Variants in ERGIC2 observed in about 807,000 individuals in gnomAD.
ERGIC2 encodes ERGIC and golgi 2.
A neutral mutation model predicts 52.5 loss-of-function variants in ERGIC2; 31 were observed. The observed-to-expected ratio is 0.59, with a 90% CI of 0.44 to 0.80. The LOEUF is 0.80. ERGIC2 is among the 30% of genes least tolerant of loss of function. The probability of loss-of-function intolerance (pLI) is 0.00; values close to 1 mark genes in which losing one functional copy is unlikely to be tolerated. For missense variants in ERGIC2, 395 were observed against 455.2 expected, an observed-to-expected ratio of 0.87 and a Z score of 1.20; for synonymous variants, 129 against 140.6, an observed-to-expected ratio of 0.92 and a Z score of 0.58.
At chr12:29,363,180 C>A (rs1940310072) in intron 5 of ERGIC2, among the ~76,000 whole-genome samples, 1 of 152,140 alleles carries the variant, frequency 6.6e-6, no homozygotes, top group African/African-American at 2.4e-5. Flanking sequence ...TACACAAATT[C>A]AGCTCTGTCA....
At position 29,337,885 on chromosome 12, in the gene ERGIC2, T is replaced by G. The variant is rs1464341777; in HGVS notation, c.*3271A>C. 6.6e-6 allele frequency: 1 copy of G among 152,084 alleles called. No homozygotes were observed. The highest frequency in any genetic ancestry group is 6.6e-5 in the Admixed American group (1 of 15,248). The allele number at this position is 152,084 out of a possible 1,614,324, so 9.4% of individuals were successfully genotyped here. Reference sequence around the variant, plus strand: ...TATCTCTCTTACACTATTAAAAAATTAGATCTGTCCAGGGGCAGTGGCTCA... The same window carrying G: ...TATCTCTCTTACACTATTAAAAAATGAGATCTGTCCAGGGGCAGTGGCTCA... On this transcript the variant is annotated 3_prime_UTR_variant, in exon 14 of 14. Transcript: ENST00000360150.
intron 2 of ERGIC2, among the ~76,000 whole-genome samples, chr12:29,370,946 C>A (rs1202905662): frequency 6.6e-6 from 1 of 152,050 alleles, no homozygotes; most frequent in East Asian, 1.9e-4. Context: ...ACAAGTGGAT[C>A]AGAAATAGTA....
At chr12:29,368,120 C>A in intron 4 of ERGIC2, 121 bp downstream of exon 4, 2 of 667,482 alleles carry the variant, frequency 3.0e-6, no homozygotes, top group Non-Finnish European at 5.3e-6. Context: ...AATAATACCA[C>A]AGTAAAACTT....
chr12:29,345,400 TA>T, intron 11 of ERGIC2, 42 bp downstream of exon 11: 1 of 1,158,602 alleles, frequency 8.6e-7, no homozygotes, highest in Non-Finnish European at 1.3e-6. Flanking sequence ...AATGCTTTTT[TA>T]AAAAAATCAC....
chr12:29,360,439 G>C (rs1372585523), intron 6 of ERGIC2, among the ~76,000 whole-genome samples: 1 of 148,678 alleles, frequency 6.7e-6, no homozygotes, highest in African/African-American at 2.5e-5. Flanking sequence ...ACTTATTTCT[G>C]TATATATATT....
intron 7 of ERGIC2, among the ~76,000 whole-genome samples, chr12:29,357,268 C>A (rs1940221550): frequency 6.6e-6 from 1 of 152,102 alleles, no homozygotes. Flanking sequence ...CTGCGCCCAG[C>A]CTCTAATCTT....
At chr12:29,356,986 G>A (rs1389448466) in intron 7 of ERGIC2, among the ~76,000 whole-genome samples, 1 of 141,046 alleles carries the variant, frequency 7.1e-6, no homozygotes, top group Non-Finnish European at 1.5e-5. Flanking sequence ...TTTTTCTTTT[G>A]AGACACAGTC....
intron 10 of ERGIC2, among the ~76,000 whole-genome samples, chr12:29,345,824 T>A (rs1388685154): frequency 6.6e-6 from 1 of 151,958 alleles, no homozygotes; most frequent in East Asian, 1.9e-4. Flanking sequence ...TATGCACCTG[T>A]GGGTCCCAGC....
intron 10 of ERGIC2, 36 bp from the exon 11 acceptor site, chr12:29,345,576 G>T (rs773075651): frequency 1.9e-6 from 2 of 1,046,860 alleles, no homozygotes. Flanking sequence ...CAATTCAGTA[G>T]CAACAAAACT....
intron 5 of ERGIC2, among the ~76,000 whole-genome samples, chr12:29,363,779 A>C (rs989662338): frequency 6.6e-6 from 1 of 151,742 alleles, no homozygotes; most frequent in Non-Finnish European, 1.5e-5. Flanking sequence ...ATCCAGCTAG[A>C]AAGATAAGAG....
intron 10 of ERGIC2, among the ~76,000 whole-genome samples, chr12:29,347,586 C>T (rs1428257471): frequency 6.6e-6 from 1 of 152,072 alleles, no homozygotes; most frequent in African/African-American, 2.4e-5. Flanking sequence ...AACGTGCGCT[C>T]TATGAAGGGC....
At chr12:29,380,599 C>G (rs1233507136) in intron 1 of ERGIC2, 3 of 152,270 alleles carry the variant, frequency 2.0e-5, no homozygotes, top group Admixed American at 6.6e-5. Context: ...CTCGCCCTCC[C>G]CCGCCCCCTT....
chr12:29,345,915 C>G (rs2136851447), intron 10 of ERGIC2, among the ~76,000 whole-genome samples: 1 of 152,016 alleles, frequency 6.6e-6, no homozygotes, highest in African/African-American at 2.4e-5. Flanking sequence ...CTACTGCACT[C>G]CAGCCTGGGC....
intron 12 of ERGIC2, among the ~76,000 whole-genome samples, chr12:29,342,433 C>G (rs1179110430): frequency 6.6e-6 from 1 of 152,164 alleles, no homozygotes; most frequent in Non-Finnish European, 1.5e-5. Flanking sequence ...GAAAGAAAAG[C>G]TATTCATTCA....
rs1315189734 is a variant in ERGIC2 at position 29,366,958 on chromosome 12, A to G, written c.263-11T>C. 6.3e-7 allele frequency: 1 copy of G among 1,576,110 alleles called. No individual in the cohort carries two copies. Among genetic ancestry groups the G allele is most frequent in the Non-Finnish European group, 8.6e-7 (1 of 1,156,456 alleles). ...CATCCGCTCCAACATCTGCATAGAA[A>G]AAAGAATTAGAAGTTTTACATTCTA... On this transcript the variant is annotated splice_polypyrimidine_tract_variant and intron_variant, in intron 4 of 13. Coordinates refer to ENST00000360150, the MANE Select transcript of ERGIC2 (RefSeq NM_016570.3).
chr12:29,377,043 T>C (rs761781484), intron 1 of ERGIC2, among the ~76,000 whole-genome samples: 11 of 152,182 alleles, frequency 7.2e-5, no homozygotes, highest in Non-Finnish European at 1.5e-4. Flanking sequence ...TCAGTTTTTA[T>C]ACCCAGCCCT....
At chr12:29,358,598 T>C (rs1459634560) in intron 6 of ERGIC2, among the ~76,000 whole-genome samples, 1 of 152,130 alleles carries the variant, frequency 6.6e-6, no homozygotes, top group African/African-American at 2.4e-5. Context: ...ATGCAAGTTG[T>C]TGATAATGGG....
intron 3 of ERGIC2, 137 bp downstream of exon 3, chr12:29,369,977 G>A: frequency 1.4e-6 from 1 of 736,246 alleles, no homozygotes. Flanking sequence ...TGCAATTAAT[G>A]AGAATTTTTC....
chr12:29,370,132 A>G lies in ERGIC2; in HGVS notation c.197T>C (p.Val66Ala), dbSNP rs1342237355. ...QDTWMKYEYE[V>A]DKDFSSKLRI... Reference sequence around the variant, plus strand: ...TGATTACCTAGAAAAATCCTTGTCTACTTCGTATTCATACTTCATCCATGT... The same window carrying G: ...TGATTACCTAGAAAAATCCTTGTCTGCTTCGTATTCATACTTCATCCATGT... Residue 66 changes from valine to alanine, a missense_variant, in exon 3 of 14, where the codon GTA becomes GCA. Coordinates refer to ENST00000360150, the MANE Select transcript of ERGIC2 (RefSeq NM_016570.3). 3 of 1,524,314 alleles carry G rather than the reference A, an allele frequency of 2.0e-6. No individual in the cohort carries two copies. The highest frequency in any genetic ancestry group is 1.3e-5 in the South Asian group (1 of 74,560). The allele number at this position is 1,524,314 out of a possible 1,614,324, so 94.4% of individuals were successfully genotyped here. A position where few individuals can be genotyped will look rare whatever the true frequency, so the allele number is the denominator to read the frequency against.
Sources: gnomAD v4.1 joint callset for allele counts (sites outside exome capture counted in the v4.1 genomes callset) on GRCh38, gnomAD v4.1.1 for gene constraint, MANE v1.5 for transcripts, NCBI Gene and HGNC (gene_info 2026-07-23, HGNC 2026-07-21) for gene names.